Variants in MTSS1 observed in about 807,000 individuals in gnomAD.
MTSS1 encodes MTSS I-BAR domain containing 1.
Under a neutral mutation model 79.0 loss-of-function variants are expected in MTSS1, and 18 were observed. The ratio of observed to expected loss-of-function variants is 0.23; its 90% CI spans 0.16 to 0.34. The LOEUF (loss-of-function observed/expected upper bound fraction) is 0.34. Among genes scored for constraint, MTSS1 ranks in the 10% least tolerant of loss-of-function variants. MTSS1 has a pLI of 1.00. For missense variants in MTSS1, 815 were observed against 986.2 expected (o/e 0.83, Z 2.33); for synonymous variants, 341 against 368.6 (o/e 0.93, Z 0.86).
chr8:124,573,230 A>G (rs902088496), intron 6 of MTSS1, among the ~76,000 whole-genome samples: 1 of 152,100 alleles, frequency 6.6e-6, no homozygotes, highest in Non-Finnish European at 1.5e-5. Flanking sequence ...CTCATCCTCC[A>G]GGGCCTGGGC....
At chr8:124,698,317 A>G (rs756545523) in intron 3 of MTSS1, among the ~76,000 whole-genome samples, 18 of 152,044 alleles carry the variant, frequency 1.2e-4, no homozygotes, top group Non-Finnish European at 2.9e-5. Context: ...CTACAACCCA[A>G]ATTTTCCAAT....
intron 10 of MTSS1, 172 bp from the exon 11 acceptor site, chr8:124,558,047 G>A (rs941102567): frequency 3.5e-6 from 2 of 577,260 alleles, no homozygotes; most frequent in South Asian, 5.0e-5. Flanking sequence ...CAAGAGAAAA[G>A]AGCCGGGGTG....
intron 3 of MTSS1, among the ~76,000 whole-genome samples, chr8:124,691,328 C>T (rs1271318178): frequency 6.6e-6 from 1 of 152,152 alleles, no homozygotes; most frequent in South Asian, 2.1e-4. Context: ...GATATGCTTA[C>T]ATAATAACCA....
At chr8:124,691,461 C>T (rs116770844) in intron 3 of MTSS1, among the ~76,000 whole-genome samples, 2,203 of 152,230 alleles carry the variant, frequency 0.014, 52 homozygotes, top group African/African-American at 0.05. Flanking sequence ...GATACACATA[C>T]GTACATACAT....
chr8:124,565,995 A>AAAAGGAAAATCATGAAATATC (rs1193614312), intron 8 of MTSS1: 5 of 347,490 alleles, frequency 1.4e-5, no homozygotes, highest in Non-Finnish European at 2.6e-5. Flanking sequence ...AAAGGAAGGG[A>AAAAGGAAAATCATGAAATATC]AAAGGAAAAT....
intron 3 of MTSS1, among the ~76,000 whole-genome samples, chr8:124,602,285 C>T (rs538529157): frequency 8.0e-5 from 12 of 149,976 alleles, no homozygotes; most frequent in South Asian, 2.1e-4. Flanking sequence ...CTGCAACCTC[C>T]GCCTCCTGGG....
intron 3 of MTSS1, among the ~76,000 whole-genome samples, chr8:124,608,342 G>A (rs976060036): frequency 2.0e-5 from 3 of 152,248 alleles, no homozygotes; most frequent in Non-Finnish European, 2.9e-5. Context: ...GTTGCCAGAA[G>A]GCAATGGGAT....
At chr8:124,628,222 GT>G (rs778436190) in intron 3 of MTSS1, among the ~76,000 whole-genome samples, 14 of 152,158 alleles carry the variant, frequency 9.2e-5, no homozygotes, top group Non-Finnish European at 1.8e-4. Context: ...GAGCAGGTCA[GT>G]AATACAAACA....
At chr8:124,637,368 A>G (rs1176013814) in intron 3 of MTSS1, among the ~76,000 whole-genome samples, 2 of 152,176 alleles carry the variant, frequency 1.3e-5, no homozygotes, top group Non-Finnish European at 2.9e-5. Flanking sequence ...AAAGTGATGC[A>G]CACTCATGGC....
chr8:124,699,252 G>A (rs921226037), intron 3 of MTSS1: 27 of 402,488 alleles, frequency 6.7e-5, no homozygotes, highest in African/African-American at 3.7e-4. Flanking sequence ...CAACCAGCAC[G>A]TCATTAAAGT....
At position 124,553,353 on chromosome 8, in the gene MTSS1, C is replaced by T; in HGVS notation, c.1907G>A (p.Gly636Glu). The change falls in exon 14 of 14, where the codon GGG (glycine) becomes GAG (glutamate). Residue 636 changes from glycine (G) to glutamate (E), a missense_variant. Around this residue, in one of 2 missense-constraint regions of MTSS1, gnomAD observed 590 missense variants for 620.8 expected, o/e 0.95. Coordinates refer to ENST00000518547, the MANE Select transcript of MTSS1 (RefSeq NM_014751.6). The surrounding 1 kb of genome is among the most constrained non-coding windows in gnomAD (Gnocchi z 6.0). ...LPGVLPAPPD[G>E]PEERGEHSPE... ...GCTGTGCTCCCCCCGCTCTTCTGGC[C>T]CATCTGGAGGGGCTGGCAACACCCC... 1 of 1,612,550 alleles carries T rather than the reference C, an allele frequency of 6.2e-7. No individual in the cohort carries two copies. The highest frequency in any genetic ancestry group is 8.5e-7 in the Non-Finnish European group (1 of 1,178,768).
At chr8:124,617,231 C>T (rs1343766819) in intron 3 of MTSS1, among the ~76,000 whole-genome samples, 2 of 152,166 alleles carry the variant, frequency 1.3e-5, no homozygotes, top group Non-Finnish European at 2.9e-5. Context: ...TCTTTCTTTG[C>T]TGTTCTGTGA....
chr8:124,559,158 G>A (rs964321625), intron 10 of MTSS1, among the ~76,000 whole-genome samples: 1 of 152,182 alleles, frequency 6.6e-6, no homozygotes. Context: ...GCCTGGCACC[G>A]AAATATCTGG....
intron 1 of MTSS1, among the ~76,000 whole-genome samples, chr8:124,710,557 A>G (rs1187324012): frequency 6.6e-6 from 1 of 152,160 alleles, no homozygotes; most frequent in Non-Finnish European, 1.5e-5. Context: ...ATGGCAGGCC[A>G]TTTGCCTAAC....
At chr8:124,568,276 C>T (rs924277877) in intron 7 of MTSS1, 103 bp downstream of exon 7, 56 of 1,360,448 alleles carry the variant, frequency 4.1e-5, no homozygotes, top group Admixed American at 2.6e-4. Flanking sequence ...ATCATGATTC[C>T]TGACAGTAGA....
At position 124,718,056 on chromosome 8, in the gene MTSS1, GAC is replaced by G. The variant is rs202080411; in HGVS notation, c.72+9826_72+9827del. ...CCGCTAAGTGAAGAAAGAAGTTTCT[GAC>G]ACAGTCTTGGCTCCCTGACCCTTTG... On this transcript the variant is annotated intron_variant, in intron 1 of 13. Transcript: ENST00000518547. Among the ~76,000 whole-genome samples the G allele has an allele frequency of 5.2e-3, 785 of 152,336 alleles. 38 individuals are homozygous for G. Among genetic ancestry groups the G allele is most frequent in the Admixed American group, 0.049 (748 of 15,298 alleles).
chr8:124,633,542 G>C (rs1302168004), intron 3 of MTSS1, among the ~76,000 whole-genome samples: 1 of 151,522 alleles, frequency 6.6e-6, no homozygotes, highest in Non-Finnish European at 1.5e-5. Context: ...AGGTCGAGGC[G>C]GGTGGGTCAC....
At chr8:124,563,776 G>C (rs182263652) in intron 9 of MTSS1, among the ~76,000 whole-genome samples, 48 of 152,270 alleles carry the variant, frequency 3.2e-4, no homozygotes, top group South Asian at 8.3e-4. Flanking sequence ...CAGTAAACAG[G>C]ATGTCAAATA....
chr8:124,568,439 C>A lies in MTSS1; in HGVS notation c.558G>T (p.Lys186Asn). 6.2e-7 allele frequency: 1 copy of A among 1,614,190 alleles called. No homozygotes were observed. The highest frequency in any genetic ancestry group is 1.1e-5 in the South Asian group (1 of 91,088). The change falls in exon 7 of 14, where the codon AAG (lysine) becomes AAT (asparagine). Residue 186 changes from lysine to asparagine, a missense_variant. Physicochemically the swap from Lys to Asn is moderately conservative, Grantham distance 94. Around this residue, in one of 2 missense-constraint regions of MTSS1, gnomAD observed 225 missense variants for 365.4 expected, o/e 0.62. Transcript: ENST00000518547. ...ATCGGCCACGTTCTTCAATCAAAGC[C>A]TTCCGGACAGCCTGCTTTTCTGTTT... is the stretch of plus-strand genomic sequence containing the variant. ...LEETEKQAVR[K>N]ALIEERGRFC... is the part of the protein sequence containing the mutation.
Sources: gnomAD v4.1 joint callset for allele counts (sites outside exome capture counted in the v4.1 genomes callset) on GRCh38, gnomAD v4.1.1 for gene constraint, gnomAD v4.1.1 regional missense constraint, Gnocchi (gnomAD v3.1) non-coding constraint, MANE v1.5 for transcripts, NCBI Gene and HGNC (gene_info 2026-07-23, HGNC 2026-07-21) for gene names.